PTPRN2: variants seen among roughly 807,000 people sequenced by gnomAD.
PTPRN2 encodes receptor-type tyrosine-protein phosphatase N2.
Under a neutral mutation model 118.8 loss-of-function variants are expected in PTPRN2, and 74 were observed. The ratio of observed to expected loss-of-function variants is 0.62; its 90% CI spans 0.52 to 0.76. The LOEUF (loss-of-function observed/expected upper bound fraction) is 0.76. PTPRN2 is among the 30% of genes least tolerant of loss of function. The probability of loss-of-function intolerance (pLI) is 0.00; values close to 1 mark genes in which losing one functional copy is unlikely to be tolerated. For missense variants in PTPRN2, 1,481 were observed against 1,394.4 expected, an observed-to-expected ratio of 1.06 and a Z score of -0.99; for synonymous variants, 641 against 608.0, an observed-to-expected ratio of 1.05 and a Z score of -0.80.
At chr7:158,080,326 A>G (rs1460656048) in intron 11 of PTPRN2, among the ~76,000 whole-genome samples, 2 of 150,662 alleles carry the variant, frequency 1.3e-5, no homozygotes, top group Non-Finnish European at 3.0e-5. Flanking sequence ...AAAAAAAAAA[A>G]AAAAAAAAAA....
intron 3 of PTPRN2, among the ~76,000 whole-genome samples, chr7:158,228,114 T>C (rs1828931567): frequency 6.6e-6 from 1 of 152,198 alleles, no homozygotes; most frequent in South Asian, 2.1e-4. Context: ...TTGGAACACA[T>C]TTACAAAGAC....
At chr7:157,753,660 CGTTCTCT>C (rs1563073998) in intron 12 of PTPRN2, among the ~76,000 whole-genome samples, 12 of 148,774 alleles carry the variant, frequency 8.1e-5, no homozygotes, top group African/African-American at 2.3e-4. Context: ...GCCTCCCCTC[CGTTCTCT>C]ACCATGTGCC....
chr7:157,741,475 G>A (rs543072108), intron 12 of PTPRN2, among the ~76,000 whole-genome samples: 34 of 152,266 alleles, frequency 2.2e-4, no homozygotes, highest in African/African-American at 7.9e-4. Flanking sequence ...GTTTGCTAAC[G>A]CTGTTCATCT....
rs73745009 is a variant in PTPRN2, at chr7:157,900,564, G to C, written c.1724-1827C>G. On this transcript the variant is annotated intron_variant, in intron 11 of 22. Transcript: ENST00000389418. The stretch of plus-strand genomic sequence containing the variant: ...ATGGAGAACTTGCCTTGCTGGCCCT[G>C]AGGTCCAGGTGGCACTCCTTGCCCA... Among the ~76,000 whole-genome samples the C allele has an allele frequency of 1.7e-3, 265 of 152,312 alleles. 2 individuals carry two copies. The highest frequency in any genetic ancestry group is 6.2e-3 in the African/African-American group (258 of 41,570).
intron 2 of PTPRN2, among the ~76,000 whole-genome samples, chr7:158,380,408 G>C (rs188847059): frequency 9.9e-5 from 15 of 152,178 alleles, no homozygotes; most frequent in Non-Finnish European, 1.8e-4. Context: ...CAGGCCCCAC[G>C]CAAGTCTGAA....
In PTPRN2 at chr7:158,388,255, G is replaced by A. The variant is rs553105051; in HGVS notation, c.164-71323C>T. Among the ~76,000 whole-genome samples the A allele has an allele frequency of 1.2e-4, 19 of 152,208 alleles. No homozygotes were observed. In the South Asian group the frequency reaches 2.9e-3, roughly 23 times the overall value. On this transcript the variant is annotated intron_variant, in intron 2 of 22. Transcript: ENST00000389418. The stretch of plus-strand genomic sequence containing the variant: ...GGCCACATCCTCCACGGGAAGCCAC[G>A]GTTCACGTCAATCCCGGCACCAAGG...
intron 11 of PTPRN2, among the ~76,000 whole-genome samples, chr7:157,996,601 G>T (rs1430650240): frequency 6.6e-6 from 1 of 152,202 alleles, no homozygotes; most frequent in Non-Finnish European, 1.5e-5. Flanking sequence ...ATGCCTGTTG[G>T]AGGGTGGTGT....
At chr7:157,736,936 T>C (rs761904986) in intron 12 of PTPRN2, among the ~76,000 whole-genome samples, 19 of 151,992 alleles carry the variant, frequency 1.3e-4, no homozygotes, top group Non-Finnish European at 1.9e-4. Context: ...CCTGGTGGGA[T>C]GGGGATGACA....
intron 12 of PTPRN2, among the ~76,000 whole-genome samples, chr7:157,731,437 G>A (rs1188384973): frequency 2.0e-5 from 3 of 152,146 alleles, no homozygotes; most frequent in African/African-American, 7.2e-5. Context: ...TCTCCCTGGG[G>A]ACAGGGCCTG....
intron 12 of PTPRN2, among the ~76,000 whole-genome samples, chr7:157,782,973 G>A (rs1411329159): frequency 6.6e-6 from 1 of 152,224 alleles, no homozygotes; most frequent in African/African-American, 2.4e-5. Flanking sequence ...TGTTGGGGGA[G>A]TGACCTGGTG....
At chr7:157,878,438 C>T (rs903902125) in intron 12 of PTPRN2, among the ~76,000 whole-genome samples, 6 of 147,128 alleles carry the variant, frequency 4.1e-5, no homozygotes, top group Non-Finnish European at 7.4e-5. Flanking sequence ...CCCACGCTTA[C>T]TCACCGAGGA....
At chr7:158,128,046 T>C (rs1817839479) in intron 9 of PTPRN2, among the ~76,000 whole-genome samples, 1 of 152,130 alleles carries the variant, frequency 6.6e-6, no homozygotes, top group Non-Finnish European at 1.5e-5. Flanking sequence ...ACCAAGAGCA[T>C]GTGGATGCTG....
At chr7:158,469,033 C>G (rs13311843) in intron 2 of PTPRN2, among the ~76,000 whole-genome samples, 86,374 of 135,970 alleles carry the variant, frequency 0.64, 26,454 homozygotes, top group Admixed American at 0.71. Context: ...ACACACACTC[C>G]GGGTGGATCA....
chr7:158,475,465 C>T (rs1300007864), intron 2 of PTPRN2, among the ~76,000 whole-genome samples: 4 of 152,122 alleles, frequency 2.6e-5, no homozygotes, highest in African/African-American at 9.7e-5. Flanking sequence ...CGCTTCGCCC[C>T]TGCTTAACAA....
chr7:158,317,192 C>T lies in PTPRN2; in HGVS notation c.164-260G>A, dbSNP rs113273169. On this transcript the variant is annotated intron_variant, in intron 2 of 22. Transcript: ENST00000389418. Reference sequence around the variant, plus strand: ...GCTGCAATGTTGTCACTCCACTTTCCTCCATACCCCCCGAGCCCTCCTTTT... The same window carrying T: ...GCTGCAATGTTGTCACTCCACTTTCTTCCATACCCCCCGAGCCCTCCTTTT... Among the ~76,000 whole-genome samples the T allele has an allele frequency of 5.2e-3, 797 of 152,326 alleles. 6 individuals are homozygous for T. The highest frequency in any genetic ancestry group is 0.018 in the African/African-American group (748 of 41,552).
chr7:158,501,346 T>A (rs1822343621), intron 1 of PTPRN2, among the ~76,000 whole-genome samples: 1 of 152,162 alleles, frequency 6.6e-6, no homozygotes, highest in Non-Finnish European at 1.5e-5. Flanking sequence ...AGAGCCTCTG[T>A]ACCCCCCGAT....
chr7:157,818,839 C>G (rs1352561570), intron 12 of PTPRN2, among the ~76,000 whole-genome samples: 1 of 152,112 alleles, frequency 6.6e-6, no homozygotes, highest in East Asian at 1.9e-4. Context: ...GCACATGGCA[C>G]TCCAGCCACA....
chr7:158,317,756 G>A (rs1802458101), intron 2 of PTPRN2, among the ~76,000 whole-genome samples: 1 of 152,178 alleles, frequency 6.6e-6, no homozygotes, highest in Non-Finnish European at 1.5e-5. Context: ...TTGTTCACTA[G>A]GTTTCGCCGT....
chr7:158,071,605 A>T (rs1436875061), intron 11 of PTPRN2, among the ~76,000 whole-genome samples: 25 of 19,206 alleles, frequency 1.3e-3, no homozygotes, highest in East Asian at 3.2e-3. Flanking sequence ...CTCCTGGTGG[A>T]GGTGCTCGTG....
Sources: gnomAD v4.1 joint callset for allele counts (sites outside exome capture counted in the v4.1 genomes callset) on GRCh38, gnomAD v4.1.1 for gene constraint, MANE v1.5 for transcripts, NCBI Gene and HGNC (gene_info 2026-07-23, HGNC 2026-07-21) for gene names.